ST3GAL3: variants seen among roughly 807,000 people sequenced by gnomAD.
ST3GAL3 encodes the protein CMP-N-acetylneuraminate-beta-1,4-galactoside alpha-2,3-sialyltransferase.
A neutral mutation model predicts 50.1 loss-of-function variants in ST3GAL3; 21 were observed. The ratio of observed to expected loss-of-function variants is 0.42; its 90% confidence interval spans 0.30 to 0.60. The LOEUF (loss-of-function observed/expected upper bound fraction) is 0.60, where lower values mean the gene tolerates loss of function less well. Ranked by LOEUF, ST3GAL3 falls within the 20% of genes least tolerant of loss-of-function variation. The pLI, the probability that ST3GAL3 is intolerant of heterozygous loss-of-function variation, is 0.19. For missense variants in ST3GAL3, 353 were observed against 489.4 expected (o/e 0.72, Z 2.63); for synonymous variants, 183 against 190.0 (o/e 0.96, Z 0.30).
At chr1:43,769,527 C>T (rs1014609547) in intron 2 of ST3GAL3, among the ~76,000 whole-genome samples, 11 of 151,884 alleles carry the variant, frequency 7.2e-5, no homozygotes, top group Admixed American at 1.3e-4. Context: ...TTCCTGTGTT[C>T]GTTTCTTTTT....
intron 5 of ST3GAL3, chr1:43,879,149 A>G (rs2074651391): frequency 2.2e-6 from 1 of 447,302 alleles, no homozygotes; most frequent in Non-Finnish European, 4.5e-6. Context: ...ATGAAAACAT[A>G]GAACCAGCCT....
At chr1:43,837,440 G>A (rs1376306477) in intron 4 of ST3GAL3, among the ~76,000 whole-genome samples, 3 of 152,126 alleles carry the variant, frequency 2.0e-5, no homozygotes, top group Non-Finnish European at 2.9e-5. Context: ...GTCACTGTTC[G>A]GGACAGTTCC....
chr1:43,918,359 C>T (rs923016963), intron 9 of ST3GAL3, among the ~76,000 whole-genome samples: 1 of 151,758 alleles, frequency 6.6e-6, no homozygotes, highest in Non-Finnish European at 1.5e-5. Flanking sequence ...CTCAAGCAAT[C>T]CACCTGCCTC....
intron 1 of ST3GAL3, among the ~76,000 whole-genome samples, chr1:43,711,797 A>G (rs1664896926): frequency 6.6e-6 from 1 of 152,248 alleles, no homozygotes; most frequent in African/African-American, 2.4e-5. Flanking sequence ...AAATACAGCA[A>G]TGGTTCTGAG....
Position 43,830,210 on chromosome 1 carries a change from T to A in ST3GAL3, c.210-8009T>A, listed in dbSNP as rs572271382. On this transcript the variant is annotated intron_variant, in intron 4 of 11. Transcript: ENST00000347631. The stretch of plus-strand genomic sequence containing the variant: ...ACCATGCCCAGCTAATTAAAAAAAA[T>A]TTTTTTTAAATAGAGATAAGGTCTC... Among the ~76,000 whole-genome samples the A allele has an allele frequency of 1.4e-3, 206 of 146,478 alleles. 1 individual carries two copies. The highest frequency in any genetic ancestry group is 4.0e-3 in the East Asian group (20 of 4,954).
chr1:43,850,957 G>A (rs1024751144), intron 5 of ST3GAL3: 32 of 989,822 alleles, frequency 3.2e-5, no homozygotes, highest in African/African-American at 6.3e-5. Flanking sequence ...AAGATCGTGC[G>A]GACTTGGCAG....
At position 43,756,547 on chromosome 1, in the gene ST3GAL3, T is replaced by TACACAC. The variant is rs36004035; in HGVS notation, c.118+20178_118+20183dup. 9.7e-4 allele frequency among the ~76,000 whole-genome samples: 146 copies of TACACAC among 150,730 alleles called. 1 individual carries two copies. In the Middle Eastern group the frequency reaches 0.014, roughly 14 times the overall value. On this transcript the variant is annotated intron_variant, in intron 2 of 11. Transcript: ENST00000347631. Reference sequence around the variant, plus strand: ...GAACATAAACTATATATGTATTGTATACACACACACACACACGCACGCACA... The same window carrying TACACAC: ...GAACATAAACTATATATGTATTGTATACACACACACACACACACACACGCACGCACA...
chr1:43,827,194 G>A (rs1332374207), intron 4 of ST3GAL3, among the ~76,000 whole-genome samples: 1 of 152,158 alleles, frequency 6.6e-6, no homozygotes, highest in Non-Finnish European at 1.5e-5. Context: ...CCAAAGATTG[G>A]CAAAAACATT....
Position 43,731,657 on chromosome 1 carries a change from A to G in ST3GAL3, c.-30-4576A>G, listed in dbSNP as rs186688532. Among the ~76,000 whole-genome samples, 97 of 150,818 alleles carry G rather than the reference A, an allele frequency of 6.4e-4. 1 individual carries two copies. Among genetic ancestry groups the G allele is most frequent in the African/African-American group, 2.2e-3 (91 of 40,946 alleles). On this transcript the variant is annotated intron_variant, in intron 1 of 11. Coordinates refer to ENST00000347631, the MANE Select transcript of ST3GAL3 (RefSeq NM_006279.5). ...CGTGATCCGCCCACCTCGGCCTCCC[A>G]AAGTGCTGGGATTGTAGGCGTGAGC...
intron 3 of ST3GAL3, among the ~76,000 whole-genome samples, chr1:43,809,852 G>T (rs567760530): frequency 1.3e-5 from 2 of 151,932 alleles, no homozygotes; most frequent in South Asian, 4.2e-4. Flanking sequence ...ACTTAGCCAG[G>T]CGTGGTGTTG....
At chr1:43,776,284 G>C (rs1697220253) in intron 2 of ST3GAL3, among the ~76,000 whole-genome samples, 1 of 152,108 alleles carries the variant, frequency 6.6e-6, no homozygotes, top group Non-Finnish European at 1.5e-5. Context: ...GCATGTCCTG[G>C]ACATTCCATA....
chr1:43,777,602 TAACTC>T (rs1697773598), intron 2 of ST3GAL3, among the ~76,000 whole-genome samples: 1 of 152,100 alleles, frequency 6.6e-6, no homozygotes, highest in Non-Finnish European at 1.5e-5. Flanking sequence ...ATACAAAAAT[TAACTC>T]AAGACGGATT....
chr1:43,743,597 G>C, intron 2 of ST3GAL3: 1 of 343,244 alleles, frequency 2.9e-6, no homozygotes, highest in Non-Finnish European at 5.8e-6. Context: ...CTGTCAGTGA[G>C]GCAGATCAGA....
At chr1:43,851,263 T>G (rs1221148936) in intron 5 of ST3GAL3, 14 of 1,578,728 alleles carry the variant, frequency 8.9e-6, no homozygotes, top group Non-Finnish European at 1.1e-5. Context: ...TGGCAGAGAT[T>G]TTCTTCTTGT....
intron 5 of ST3GAL3, among the ~76,000 whole-genome samples, chr1:43,866,630 G>A (rs1455354549): frequency 1.3e-5 from 2 of 151,824 alleles, no homozygotes; most frequent in Non-Finnish European, 2.9e-5. Flanking sequence ...GTTGAAAAAT[G>A]ACAGGGTAGG....
intron 3 of ST3GAL3, among the ~76,000 whole-genome samples, chr1:43,810,393 G>C (rs954513298): frequency 6.6e-6 from 1 of 152,102 alleles, no homozygotes; most frequent in African/African-American, 2.4e-5. Flanking sequence ...GGTAGAGACG[G>C]GTAGGCCGGG....
intron 1 of ST3GAL3, among the ~76,000 whole-genome samples, chr1:43,710,050 G>T (rs1663843492): frequency 6.6e-6 from 1 of 151,964 alleles, no homozygotes. Context: ...TGGGTGCCAG[G>T]TCTTGTTGAC....
intron 5 of ST3GAL3, among the ~76,000 whole-genome samples, chr1:43,857,596 C>CTTCCTTCCTTCCTTCCTTCT (rs2068808693): frequency 2.3e-5 from 3 of 128,432 alleles, no homozygotes. Flanking sequence ...CCCTTCCTTC[C>CTTCCTTCCTTCCTTCCTTCT]TTCCTTCCTT....
At chr1:43,792,007 C>T in intron 2 of ST3GAL3, 95 bp from the exon 3 acceptor site, 1 of 1,456,862 alleles carries the variant, frequency 6.9e-7, no homozygotes, top group Non-Finnish European at 9.6e-7. Flanking sequence ...TTCCAGTTGA[C>T]TCTGCTTTGA....
Sources: allele counts gnomAD v4.1 joint callset (sites outside exome capture counted in the v4.1 genomes callset), GRCh38; gene constraint gnomAD v4.1.1; transcripts MANE v1.5; gene names NCBI Gene and HGNC (gene_info 2026-07-23, HGNC 2026-07-21).